GANAB: variants seen among roughly 807,000 people sequenced by gnomAD.
GANAB encodes the protein glucosidase II alpha subunit, also known as neutral alpha-glucosidase AB.
GANAB carries 35 observed loss-of-function variants against 129.9 expected under a neutral mutation model. The observed-to-expected ratio is 0.27, with a 90% CI of 0.21 to 0.36. The LOEUF (loss-of-function observed/expected upper bound fraction) is 0.36, where lower values mean the gene tolerates loss of function less well. GANAB is among the 10% of genes least tolerant of loss of function. The pLI is 1.00. For missense variants in GANAB, 939 were observed against 1,221.0 expected (o/e 0.77, Z 3.44); for synonymous variants, 482 against 451.8 (o/e 1.07, Z -0.85).
chr11:62,636,088 T>G (rs759373047), intron 4 of GANAB, among the ~76,000 whole-genome samples: 23 of 152,124 alleles, frequency 1.5e-4, no homozygotes, highest in Non-Finnish European at 3.2e-4. Context: ...CCTCCCAGTT[T>G]CAAGTGATTC....
chr11:62,629,352 A>G, intron 15 of GANAB, 57 bp from the exon 16 acceptor site: 1 of 1,203,896 alleles, frequency 8.3e-7, no homozygotes, highest in Non-Finnish European at 1.2e-6. Flanking sequence ...AGCTTTTTAC[A>G]TGGCTGACCT....
At chr11:62,633,151 T>C (rs1312716429) in intron 7 of GANAB, 33 bp downstream of exon 7, 15 of 1,603,660 alleles carry the variant, frequency 9.4e-6, no homozygotes, top group Non-Finnish European at 1.3e-5. Context: ...AAAGGAGCCC[T>C]GCACCCCAGC....
intron 22 of GANAB, 24 bp from the exon 23 acceptor site, chr11:62,626,189 C>G: frequency 6.6e-7 from 1 of 1,516,860 alleles, no homozygotes; most frequent in Non-Finnish European, 9.2e-7. Context: ...AAGCAGATGT[C>G]CATCAGGGGG....
At position 62,626,594 on chromosome 11, in the gene GANAB, G is replaced by T; in HGVS notation, c.2488C>A (p.Leu830Ile). The change falls in exon 21 of 24, where the codon CTC becomes ATC. Residue 830 changes from leucine (L) to isoleucine (I), a missense_variant. By Grantham distance (5) the Leu-to-Ile change is conservative (BLOSUM62 2). Around this residue, in one of 5 missense-constraint regions of GANAB, gnomAD observed 230 missense variants for 259.9 expected, o/e 0.89. Coordinates refer to ENST00000356638, the MANE Select transcript of GANAB (RefSeq NM_198334.3). Reference sequence around the variant, plus strand: ...ACCTGAGGGCTAAGTGCAACAAAGAGAGTGATGGGGTCATCCTTCATACAT... The same window carrying T: ...ACCTGAGGGCTAAGTGCAACAAAGATAGTGATGGGGTCATCCTTCATACAT... ...SECMKDDPIT[L>I]FVALSPQGTA... The T allele has an allele frequency of 6.2e-7, 1 of 1,610,228 alleles. No individual in the cohort carries two copies.
At chr11:62,632,442 C>A in intron 9 of GANAB, 123 bp downstream of exon 9, 1 of 725,324 alleles carries the variant, frequency 1.4e-6, no homozygotes, top group Non-Finnish European at 2.4e-6. Flanking sequence ...TCAAATGCTG[C>A]CCACCAGGCC....
At chr11:62,645,264 C>G (rs1944427765) in intron 1 of GANAB, among the ~76,000 whole-genome samples, 1 of 152,130 alleles carries the variant, frequency 6.6e-6, no homozygotes, top group African/African-American at 2.4e-5. Flanking sequence ...AGGCCGGGCG[C>G]GGTGGCTCAC....
At position 62,627,292 on chromosome 11, in the gene GANAB, G is replaced by A; in HGVS notation, c.2242C>T (p.Leu748Phe). ...TTFNIDDQYLLGDALLVHPVS... is the reference protein window; with the variant it reads ...TTFNIDDQYLFGDALLVHPVS... The stretch of plus-strand genomic sequence containing the variant: ...ACCAACTATCCTCATTTCTCACCAA[G>A]CAAGTACTGATCATCTATATTGAAG... The change falls in exon 18 of 24, where the codon CTT becomes TTT. Residue 748 changes from leucine (L) to phenylalanine (F), a missense_variant. Coordinates refer to ENST00000356638, the MANE Select transcript of GANAB (RefSeq NM_198334.3). 6 of 1,566,030 alleles carry A rather than the reference G, an allele frequency of 3.8e-6. No individual in the cohort carries two copies. Among genetic ancestry groups the A allele is most frequent in the Non-Finnish European group, 5.3e-6 (6 of 1,136,156 alleles).
intron 3 of GANAB, 117 bp from the exon 4 acceptor site, chr11:62,639,227 G>A: frequency 7.5e-7 from 1 of 1,329,614 alleles, no homozygotes; most frequent in Non-Finnish European, 1.1e-6. Context: ...TAAAGGCCAA[G>A]ATCACATTTC....
chr11:62,646,530 C>T, intron 1 of GANAB, 32 bp downstream of exon 1: 2 of 1,612,050 alleles, frequency 1.2e-6, no homozygotes, highest in Middle Eastern at 1.7e-4. Context: ...TGGGGGCGTC[C>T]CGGGCGCGCC....
Position 62,626,560 on chromosome 11 carries a change from T to C in GANAB, c.2511+11A>G, listed in dbSNP as rs1315918091. On this transcript the variant is annotated intron_variant, in intron 21 of 23. Transcript: ENST00000356638. ...CAAATGGCTGAGGAGACTCGCTGCC[T>C]ATGCACTTACCTGAGGGCTAAGTGC... 3 of 1,560,928 alleles carry C rather than the reference T, an allele frequency of 1.9e-6. No individual in the cohort carries two copies. The highest frequency in any genetic ancestry group is 2.2e-5 in the East Asian group (1 of 44,598).
intron 17 of GANAB, 58 bp downstream of exon 17, chr11:62,628,711 G>T: frequency 6.3e-7 from 1 of 1,576,012 alleles, no homozygotes; most frequent in Non-Finnish European, 8.7e-7. Context: ...ATGAAGCCCA[G>T]TCCCTAATAC....
In GANAB at chr11:62,629,219, C is replaced by T; in HGVS notation, c.1911G>A (p.Gly637=). The change falls in exon 16 of 24, where the codon GGG becomes GGA. Residue 637 remains glycine (G), a synonymous_variant. Transcript: ENST00000356638. ...CCCCACAGAAGGAAAGTCCCACCAG[C>T]CCCAAGCTGAGACACATAGGAATAG... ...KISIPMCLSL[G]LVGLSFCGAD... is the part of the protein sequence containing the mutation. 2 of 1,613,110 alleles carry T rather than the reference C, an allele frequency of 1.2e-6. No individual in the cohort carries two copies. Among genetic ancestry groups the T allele is most frequent in the Non-Finnish European group, 1.7e-6 (2 of 1,179,154 alleles).
chr11:62,629,150 C>T, intron 16 of GANAB, 44 bp downstream of exon 16: 1 of 1,553,972 alleles, frequency 6.4e-7, no homozygotes, highest in Non-Finnish European at 8.9e-7. Context: ...TCTACTTTGC[C>T]CCTTTCCCAC....
chr11:62,627,011 C>T, intron 19 of GANAB, 37 bp downstream of exon 19: 1 of 1,595,816 alleles, frequency 6.3e-7, no homozygotes, highest in South Asian at 1.1e-5. Context: ...CCTTTGGCTT[C>T]CACCATCTTT....
chr11:62,625,378 C>A lies in GANAB; in HGVS notation c.*437G>T. On this transcript the variant is annotated 3_prime_UTR_variant, in exon 24 of 24. Coordinates refer to ENST00000356638, the MANE Select transcript of GANAB (RefSeq NM_198334.3). ...AAGAAATGAAAGGTGGGAGAGCAAT[C>A]TGGTGGGAGGGAAGGGGAAAAGGAG... 1 of 438,976 alleles carries A rather than the reference C, an allele frequency of 2.3e-6. No homozygotes were observed. 27.2% of individuals were successfully genotyped at this position (438,976 alleles called of 1,614,324 possible). A position where few individuals can be genotyped will look rare whatever the true frequency, so the allele number is the denominator to read the frequency against.
At chr11:62,631,467 T>C (rs1488216316) in intron 9 of GANAB, among the ~76,000 whole-genome samples, 2 of 150,130 alleles carry the variant, frequency 1.3e-5, no homozygotes, top group Admixed American at 1.3e-4. Flanking sequence ...CATCTTGCAT[T>C]CTTTTTTTTT....
chr11:62,643,625 A>G (rs1331221672), intron 1 of GANAB, among the ~76,000 whole-genome samples: 4 of 152,210 alleles, frequency 2.6e-5, no homozygotes, highest in Non-Finnish European at 4.4e-5. Flanking sequence ...CCTGGGCGAC[A>G]CAGCGAAACA....
rs761729988 is a variant in GANAB at position 62,634,384 on chromosome 11, G to A, written c.560+437C>T. The A allele has an allele frequency of 1.9e-6, 3 of 1,588,264 alleles. No individual in the cohort carries two copies. The South Asian group carries it at 3.3e-5, about 18-fold the overall frequency. ...TAACCTTATCCGAGAAACTGGGGCA[G>A]GAGGAGATGGGTAGGGAAGGGGAAA... On this transcript the variant is annotated intron_variant, in intron 5 of 23. Coordinates refer to ENST00000356638, the MANE Select transcript of GANAB (RefSeq NM_198334.3).
chr11:62,630,139 G>A, intron 13 of GANAB, 58 bp downstream of exon 13: 1 of 1,416,458 alleles, frequency 7.1e-7, no homozygotes, highest in Non-Finnish European at 9.9e-7. Context: ...AGCCGAGAGA[G>A]ATTCAGGGAG....
Sources: allele counts gnomAD v4.1 joint callset (sites outside exome capture counted in the v4.1 genomes callset), GRCh38; gene constraint gnomAD v4.1.1; regional missense constraint gnomAD v4.1.1; transcripts MANE v1.5; gene names NCBI Gene and HGNC (gene_info 2026-07-23, HGNC 2026-07-21).